The following RILPL1 variants were observed in gnomAD, a reference collection of about 807,000 sequenced individuals.
RILPL1 encodes RILP-like protein 1.
In RILPL1, 33 loss-of-function variants were observed where a neutral mutation model predicts 50.3. The observed-to-expected ratio is 0.66, with a 90% CI of 0.50 to 0.88. RILPL1 has a LOEUF of 0.88. Among genes scored for constraint, RILPL1 ranks in the 40% least tolerant of loss-of-function variants. The probability of loss-of-function intolerance (pLI) is 0.00; values close to 1 mark genes in which losing one functional copy is unlikely to be tolerated. For missense variants in RILPL1, 418 were observed against 542.5 expected, an observed-to-expected ratio of 0.77 and a Z score of 2.28; for synonymous variants, 205 against 228.6, an observed-to-expected ratio of 0.90 and a Z score of 0.93.
chr12:123,475,581 G>A, intron 6 of RILPL1: 1 of 878,084 alleles, frequency 1.1e-6, no homozygotes, highest in Non-Finnish European at 1.8e-6. Flanking sequence ...GCCAGGGGGA[G>A]ACAGGTCAGC....
chr12:123,508,166 G>C (rs1883871493), intron 2 of RILPL1, among the ~76,000 whole-genome samples: 1 of 152,132 alleles, frequency 6.6e-6, no homozygotes, highest in African/African-American at 2.4e-5. Context: ...GGCCAAGGCA[G>C]AAGGATCACT....
Position 123,498,879 on chromosome 12 carries a change from T to C in RILPL1, c.580-114A>G, listed in dbSNP as rs1045581042. 7.2e-6 allele frequency: 7 copies of C among 966,872 alleles called. No individual in the cohort carries two copies. The highest frequency in any genetic ancestry group is 3.2e-6 in the Non-Finnish European group (2 of 626,642). 59.9% of individuals were successfully genotyped at this position (966,872 alleles called of 1,614,324 possible). ...GCCATTTACATTGCAGACATCTTTGTTTGAAAGTTGTTCGTATTCTTATAG... is the reference window on the plus strand; with the variant it reads ...GCCATTTACATTGCAGACATCTTTGCTTGAAAGTTGTTCGTATTCTTATAG... On this transcript the variant is annotated intron_variant, in intron 3 of 6. Transcript: ENST00000376874. This position sits in a 1 kb window ranked among gnomAD's most constrained non-coding sequence, Gnocchi z 4.3.
chr12:123,503,078 AG>A (rs1273498360), intron 2 of RILPL1, among the ~76,000 whole-genome samples: 1 of 149,644 alleles, frequency 6.7e-6, no homozygotes, highest in Non-Finnish European at 1.5e-5. Context: ...TAGGAGAGTC[AG>A]GTTTCACCAT....
At chr12:123,513,665 G>A (rs59919792) in intron 2 of RILPL1, 2,893 of 153,140 alleles carry the variant, frequency 0.019, 90 homozygotes, top group African/African-American at 0.067. Flanking sequence ...ATCCTGATAC[G>A]GAAAGACCAG....
chr12:123,481,803 C>T (rs918479972), intron 6 of RILPL1, among the ~76,000 whole-genome samples: 35 of 151,960 alleles, frequency 2.3e-4, no homozygotes, highest in African/African-American at 7.5e-4. Context: ...CTGATCCACT[C>T]GCCTCGGCCT....
At chr12:123,520,739 T>C (rs1173838180) in intron 2 of RILPL1, among the ~76,000 whole-genome samples, 2 of 152,098 alleles carry the variant, frequency 1.3e-5, no homozygotes, top group African/African-American at 4.8e-5. Flanking sequence ...CTGCCCTGCC[T>C]CCAACCTGGC....
At chr12:123,501,068 A>G (rs901413036) in intron 2 of RILPL1, among the ~76,000 whole-genome samples, 2 of 151,982 alleles carry the variant, frequency 1.3e-5, no homozygotes, top group African/African-American at 4.8e-5. Flanking sequence ...AGATCGTGCC[A>G]TTGGACTCCA....
At chr12:123,507,092 C>T (rs950585839) in intron 2 of RILPL1, among the ~76,000 whole-genome samples, 3 of 152,212 alleles carry the variant, frequency 2.0e-5, no homozygotes, top group East Asian at 1.9e-4. Flanking sequence ...AGCTGGAAGA[C>T]GTGTGCCTTG....
chr12:123,509,724 G>A (rs368046922), intron 2 of RILPL1, among the ~76,000 whole-genome samples: 3 of 152,204 alleles, frequency 2.0e-5, no homozygotes, highest in Admixed American at 6.5e-5. Context: ...AGACGTGGAC[G>A]TCGTTTTCGT....
At chr12:123,488,950 C>T (rs951360520) in intron 4 of RILPL1, among the ~76,000 whole-genome samples, 2 of 152,144 alleles carry the variant, frequency 1.3e-5, no homozygotes, top group East Asian at 1.9e-4. Flanking sequence ...CTTCAATGTC[C>T]GATCTCCTCT....
At chr12:123,511,725 T>TTGTGTGTGTGGTGTGTGTGAGGTC (rs1884252052) in intron 2 of RILPL1, among the ~76,000 whole-genome samples, 1 of 70,864 alleles carries the variant, frequency 1.4e-5, no homozygotes, top group Non-Finnish European at 2.7e-5. Flanking sequence ...TGTGTGAGGT[T>TTGTGTGTGTGGTGTGTGTGAGGTC]TGTGTGTGTG....
chr12:123,499,868 G>A (rs1883260472), intron 2 of RILPL1, among the ~76,000 whole-genome samples: 2 of 151,696 alleles, frequency 1.3e-5, no homozygotes, highest in Admixed American at 1.3e-4. Flanking sequence ...ACCACTCAGT[G>A]ACAGCCTCTA....
intron 2 of RILPL1, among the ~76,000 whole-genome samples, chr12:123,504,367 C>T (rs1468512118): frequency 6.6e-6 from 1 of 152,160 alleles, no homozygotes; most frequent in East Asian, 1.9e-4. Flanking sequence ...CCGCTGACCT[C>T]CTCTCTCTTG....
Position 123,498,864 on chromosome 12 carries a change from T to C in RILPL1, c.580-99A>G, listed in dbSNP as rs186773694. The stretch of plus-strand genomic sequence containing the variant: ...ACCATCCATAGGTGTGCCATTTACA[T>C]TGCAGACATCTTTGTTTGAAAGTTG... On this transcript the variant is annotated intron_variant, in intron 3 of 6. Transcript: ENST00000376874. This position sits in a 1 kb window ranked among gnomAD's most constrained non-coding sequence, Gnocchi z 4.3. 299 of 1,071,174 alleles carry C rather than the reference T, an allele frequency of 2.8e-4. 1 individual carries two copies. The Admixed American group carries it at 2.9e-3, about 11-fold the overall frequency. 66.4% of individuals were successfully genotyped at this position (1,071,174 alleles called of 1,614,324 possible).
chr12:123,521,686 C>T (rs865918319), intron 2 of RILPL1, among the ~76,000 whole-genome samples: 6 of 24,784 alleles, frequency 2.4e-4, no homozygotes, highest in Admixed American at 1.1e-3. Flanking sequence ...TATATATATA[C>T]ACACATATAT....
At chr12:123,509,025 T>C (rs1593578446) in intron 2 of RILPL1, among the ~76,000 whole-genome samples, 1 of 152,108 alleles carries the variant, frequency 6.6e-6, no homozygotes, top group East Asian at 1.9e-4. Context: ...TCGTCTCTAC[T>C]AATAATACAA....
intron 2 of RILPL1, among the ~76,000 whole-genome samples, chr12:123,507,801 C>A (rs1218723951): frequency 6.6e-6 from 1 of 151,548 alleles, no homozygotes; most frequent in African/African-American, 2.4e-5. Flanking sequence ...ATTAGCTGGG[C>A]GTGGTGGTGC....
chr12:123,510,512 G>A (rs1326628719), intron 2 of RILPL1, among the ~76,000 whole-genome samples: 1 of 122,070 alleles, frequency 8.2e-6, no homozygotes. Flanking sequence ...TAGTGTGTGA[G>A]GTCTGTGTAT....
intron 4 of RILPL1, among the ~76,000 whole-genome samples, chr12:123,494,053 G>A (rs575032276): frequency 1.3e-5 from 2 of 152,240 alleles, no homozygotes; most frequent in East Asian, 3.9e-4. Flanking sequence ...CCCAAGTGCT[G>A]GGATTACAGG....
Sources: gnomAD v4.1 joint callset for allele counts (sites outside exome capture counted in the v4.1 genomes callset) on GRCh38, gnomAD v4.1.1 for gene constraint, Gnocchi (gnomAD v3.1) non-coding constraint, MANE v1.5 for transcripts, NCBI Gene and HGNC (gene_info 2026-07-23, HGNC 2026-07-21) for gene names.